Variants in CCND3 observed in about 807,000 individuals in gnomAD.
CCND3 encodes the protein cyclin D3.
In CCND3, 9 loss-of-function variants were observed where a neutral mutation model predicts 28.7. The ratio of observed to expected loss-of-function variants is 0.31; its 90% CI spans 0.19 to 0.55. The LOEUF is 0.55. Ranked by LOEUF, CCND3 falls within the 20% of genes least tolerant of loss-of-function variation. CCND3 has a pLI of 0.93. For missense variants in CCND3, 315 were observed against 385.8 expected (o/e 0.82, Z 1.54); for synonymous variants, 164 against 163.9 (o/e 1.00, Z 0.00).
At chr6:41,942,135 A>G (rs924379371), upstream of CCND3, among the ~76,000 whole-genome samples, 3 of 152,130 alleles carry the variant, frequency 2.0e-5, no homozygotes, top group African/African-American at 7.2e-5. Flanking sequence ...GTCAAACCCT[A>G]CTTCACCGGC....
chr6:42,012,505 G>A (rs1043911182), intron 1 of CCND3, among the ~76,000 whole-genome samples: 4 of 152,142 alleles, frequency 2.6e-5, no homozygotes, highest in Non-Finnish European at 5.9e-5. Context: ...GGAGGCTGAG[G>A]CAGGAGAATC....
chr6:42,033,712 T>C (rs1411324552), intron 1 of CCND3, among the ~76,000 whole-genome samples: 1 of 150,696 alleles, frequency 6.6e-6, no homozygotes, highest in Non-Finnish European at 1.5e-5. Flanking sequence ...TAGCTGGGCA[T>C]GGTGGTGCAT....
chr6:42,014,732 G>A (rs1763448792), intron 1 of CCND3, among the ~76,000 whole-genome samples: 1 of 152,196 alleles, frequency 6.6e-6, no homozygotes, highest in Non-Finnish European at 1.5e-5. Context: ...AGGCTTCATT[G>A]AGCTATGATC....
chr6:41,937,489 C>T, intron 2 of CCND3, 95 bp from the exon 3 acceptor site: 1 of 1,483,282 alleles, frequency 6.7e-7, no homozygotes, highest in Non-Finnish European at 9.2e-7. Context: ...GGAAGCCCAT[C>T]AAACTTTTAA....
intron 1 of CCND3, among the ~76,000 whole-genome samples, chr6:41,949,186 A>C (rs1225022136): frequency 6.6e-6 from 1 of 152,062 alleles, no homozygotes; most frequent in African/African-American, 2.4e-5. Context: ...CATTACTACA[A>C]AAGAAAAGAA....
At chr6:42,028,116 C>T (rs970037015) in intron 1 of CCND3, among the ~76,000 whole-genome samples, 1 of 152,116 alleles carries the variant, frequency 6.6e-6, no homozygotes, top group Non-Finnish European at 1.5e-5. Context: ...TTGTAAAGTC[C>T]CTAGCACTGT....
chr6:41,974,151 C>G (rs1351154639), intron 1 of CCND3, among the ~76,000 whole-genome samples: 1 of 152,168 alleles, frequency 6.6e-6, no homozygotes, highest in Non-Finnish European at 1.5e-5. Context: ...CCATTGCACT[C>G]TAGCCTGGGT....
chr6:41,951,343 A>G lies in CCND3; in HGVS notation c.-45-10758T>C, dbSNP rs902477733. Reference sequence around the variant, plus strand: ...GGCCAAGGTGGGTGGATCCGAAGTCAAGAGATCGAGACCAACCTGGCCAAT... The same window carrying G: ...GGCCAAGGTGGGTGGATCCGAAGTCGAGAGATCGAGACCAACCTGGCCAAT... On this transcript the variant is annotated intron_variant, in intron 1 of 4. Coordinates refer to the CCND3 transcript ENST00000372988. 7.2e-4 allele frequency among the ~76,000 whole-genome samples: 109 copies of G among 151,700 alleles called. 1 individual carries two copies. Among genetic ancestry groups the G allele is most frequent in the Non-Finnish European group, 6.8e-4 (46 of 67,966 alleles).
intron 1 of CCND3, among the ~76,000 whole-genome samples, chr6:42,032,066 C>T (rs1764062221): frequency 6.6e-6 from 1 of 152,022 alleles, no homozygotes; most frequent in African/African-American, 2.4e-5. Context: ...GCTGGGATTA[C>T]AGGCGTGAGT....
intron 1 of CCND3, among the ~76,000 whole-genome samples, chr6:41,990,558 G>C (rs879805544): frequency 6.6e-6 from 1 of 151,612 alleles, no homozygotes; most frequent in Non-Finnish European, 1.5e-5. Context: ...CCACAAAGCT[G>C]TAGTAACTAA....
chr6:42,015,951 T>C (rs1763494987), intron 1 of CCND3, among the ~76,000 whole-genome samples: 1 of 151,412 alleles, frequency 6.6e-6, no homozygotes, highest in Admixed American at 6.7e-5. Flanking sequence ...TATTTATTTA[T>C]TTTTTGAGAT....
intron 1 of CCND3, among the ~76,000 whole-genome samples, chr6:41,999,970 C>A (rs1304016150): frequency 6.6e-6 from 1 of 151,968 alleles, no homozygotes; most frequent in East Asian, 1.9e-4. Context: ...AGAGGGCACA[C>A]AAAATTCGGT....
intron 1 of CCND3, among the ~76,000 whole-genome samples, chr6:41,974,344 G>C (rs1185549983): frequency 6.6e-6 from 1 of 152,144 alleles, no homozygotes; most frequent in Non-Finnish European, 1.5e-5. Flanking sequence ...GAACACCTGT[G>C]CTACACCAGA....
intron 1 of CCND3, among the ~76,000 whole-genome samples, chr6:42,038,323 G>T (rs1379350812): frequency 6.6e-6 from 1 of 152,028 alleles, no homozygotes; most frequent in Non-Finnish European, 1.5e-5. Flanking sequence ...CAGATCGCTT[G>T]AGCCCAGGAG....
rs190231712 is a variant in CCND3, at chr6:42,043,799, G to C, written c.-46+4702C>G. Among the ~76,000 whole-genome samples, 126 of 152,354 alleles carry C rather than the reference G, an allele frequency of 8.3e-4. 1 individual carries two copies. Among genetic ancestry groups the C allele is most frequent in the Middle Eastern group, 3.4e-3 (1 of 294 alleles). ...TAAAGGTCTGAGGGGGCAGCAAGCA[G>C]ATCTGGGCCAACGACGGAGGTACCA... On this transcript the variant is annotated intron_variant, in intron 1 of 4. Coordinates refer to the CCND3 transcript ENST00000372988.
At chr6:41,998,170 C>T (rs1161797762) in intron 1 of CCND3, among the ~76,000 whole-genome samples, 3 of 151,400 alleles carry the variant, frequency 2.0e-5, no homozygotes, top group African/African-American at 7.3e-5. Context: ...TGGCTGTAAT[C>T]CCAGGTATTC....
At position 41,936,174 on chromosome 6, in the gene CCND3, G is replaced by T; in HGVS notation, c.712-67C>A. ...ATAGCATCTGGCAGCAGGTGCAGGG[G>T]AAGGACAGCTCCCAACACATGGGGA... On this transcript the variant is annotated intron_variant, in intron 4 of 4. Transcript: ENST00000372991. The surrounding 1 kb of genome is among the most constrained non-coding windows in gnomAD (Gnocchi z 4.4). 1 of 1,493,110 alleles carries T rather than the reference G, an allele frequency of 6.7e-7. No homozygotes were observed. Among genetic ancestry groups the T allele is most frequent in the Non-Finnish European group, 9.0e-7 (1 of 1,113,784 alleles). 92.5% of individuals were successfully genotyped at this position (1,493,110 alleles called of 1,614,324 possible).
intron 1 of CCND3, among the ~76,000 whole-genome samples, chr6:42,022,872 G>T (rs771685687): frequency 6.6e-6 from 1 of 152,128 alleles, no homozygotes; most frequent in Non-Finnish European, 1.5e-5. Flanking sequence ...GTGGGATGGC[G>T]CTGGCCTAAG....
intron 1 of CCND3, among the ~76,000 whole-genome samples, chr6:42,019,950 T>C (rs4711699): frequency 0.21 from 31,212 of 152,126 alleles, 3,664 homozygotes; most frequent in East Asian, 0.36. Flanking sequence ...TTTTCCATAT[T>C]GTCCAAATTC....
Sources: gnomAD v4.1 joint callset for allele counts (sites outside exome capture counted in the v4.1 genomes callset) on GRCh38, gnomAD v4.1.1 for gene constraint, Gnocchi (gnomAD v3.1) non-coding constraint, MANE v1.5 for transcripts, NCBI Gene and HGNC (gene_info 2026-07-23, HGNC 2026-07-21) for gene names.